Variants in WWOX observed in about 807,000 individuals in gnomAD.
The protein encoded by WWOX is WW domain containing oxidoreductase, also known as WW domain-containing oxidoreductase.
Under a neutral mutation model 46.2 loss-of-function variants are expected in WWOX, and 69 were observed. That is an observed-to-expected ratio of 1.49 (90% CI 1.23 to 1.82). WWOX has a LOEUF of 1.82. Among genes scored for constraint, WWOX ranks in the 40% most tolerant of loss-of-function variants. WWOX has a pLI of 0.00. For missense variants in WWOX, 919 were observed against 542.6 expected, an observed-to-expected ratio of 1.69 and a Z score of -6.89; for synonymous variants, 359 against 202.6, an observed-to-expected ratio of 1.77 and a Z score of -6.56.
chr16:78,841,232 C>CT (rs1380785259), intron 8 of WWOX, among the ~76,000 whole-genome samples: 1 of 152,192 alleles, frequency 6.6e-6, no homozygotes, highest in African/African-American at 2.4e-5. Flanking sequence ...TTGTTCCAGT[C>CT]TTTTACCAAG....
At chr16:78,255,637 A>G (rs561266136) in intron 5 of WWOX, among the ~76,000 whole-genome samples, 3 of 152,278 alleles carry the variant, frequency 2.0e-5, no homozygotes, top group South Asian at 2.1e-4. Flanking sequence ...CACACACCCC[A>G]CTTAGGAAAA....
At chr16:78,512,610 C>G (rs954242220) in intron 8 of WWOX, among the ~76,000 whole-genome samples, 3 of 152,124 alleles carry the variant, frequency 2.0e-5, no homozygotes, top group African/African-American at 4.8e-5. Context: ...CTTGAGTCCC[C>G]TACTATGTGC....
chr16:78,380,478 T>C (rs2081929888), intron 5 of WWOX, among the ~76,000 whole-genome samples: 1 of 152,126 alleles, frequency 6.6e-6, no homozygotes, highest in South Asian at 2.1e-4. Context: ...AGATGGCTTT[T>C]ATCATTGGGC....
At chr16:78,308,284 C>T (rs2080170626) in intron 5 of WWOX, among the ~76,000 whole-genome samples, 1 of 152,152 alleles carries the variant, frequency 6.6e-6, no homozygotes, top group African/African-American at 2.4e-5. Context: ...CCCCAAGCAA[C>T]TGAATGGATC....
chr16:78,912,251 C>T (rs577884054), intron 8 of WWOX, among the ~76,000 whole-genome samples: 4 of 152,146 alleles, frequency 2.6e-5, no homozygotes, highest in South Asian at 2.1e-4. Flanking sequence ...ATCATTAACA[C>T]AGGTAATCAG....
At chr16:78,197,597 T>C (rs55751884) in intron 5 of WWOX, among the ~76,000 whole-genome samples, 22,298 of 152,224 alleles carry the variant, frequency 0.15, 1,719 homozygotes, top group East Asian at 0.18. Context: ...CATTTTGTGA[T>C]AGAAGGCTGT....
At chr16:78,337,069 G>C (rs775865860) in intron 5 of WWOX, among the ~76,000 whole-genome samples, 13 of 152,084 alleles carry the variant, frequency 8.5e-5, no homozygotes, top group Non-Finnish European at 1.8e-4. Context: ...GTGTCAGCTA[G>C]TGCACCTGAC....
chr16:79,072,031 C>G (rs767592649), intron 8 of WWOX, among the ~76,000 whole-genome samples: 10 of 152,128 alleles, frequency 6.6e-5, no homozygotes, highest in Admixed American at 1.3e-4. Context: ...GCCTGTAATC[C>G]TAGCACTTTG....
At chr16:78,322,719 T>C (rs1437528851) in intron 5 of WWOX, among the ~76,000 whole-genome samples, 1 of 152,214 alleles carries the variant, frequency 6.6e-6, no homozygotes, top group East Asian at 1.9e-4. Context: ...CAGGCAAACA[T>C]TTTCTGTAAG....
intron 8 of WWOX, among the ~76,000 whole-genome samples, chr16:78,505,899 A>G (rs901523680): frequency 1.3e-5 from 2 of 152,174 alleles, no homozygotes; most frequent in Non-Finnish European, 1.5e-5. Context: ...CTCCCTAATC[A>G]TGAGCAATGT....
At chr16:78,391,019 G>C (rs564729837) in intron 6 of WWOX, among the ~76,000 whole-genome samples, 8 of 152,140 alleles carry the variant, frequency 5.3e-5, no homozygotes, top group Non-Finnish European at 1.2e-4. Context: ...CTCCACACTG[G>C]GATAGGCAGC....
chr16:78,891,166 GC>G (rs1220109247), intron 8 of WWOX: 1 of 151,980 alleles, frequency 6.6e-6, no homozygotes, highest in Non-Finnish European at 1.5e-5. Context: ...TTTTCTGCCT[GC>G]CCCTTCTTTC....
chr16:78,533,121 C>T (rs997373286), intron 8 of WWOX, among the ~76,000 whole-genome samples: 10 of 152,110 alleles, frequency 6.6e-5, no homozygotes, highest in African/African-American at 1.4e-4. Context: ...CTCCCAGTGC[C>T]TCTCAATGGC....
intron 8 of WWOX, among the ~76,000 whole-genome samples, chr16:78,727,364 G>T (rs2048861159): frequency 6.6e-6 from 1 of 152,182 alleles, no homozygotes; most frequent in African/African-American, 2.4e-5. Flanking sequence ...CAGCCTGGGT[G>T]ACAGAGCAAG....
chr16:78,584,084 G>A (rs966334564), intron 8 of WWOX, among the ~76,000 whole-genome samples: 19 of 152,184 alleles, frequency 1.2e-4, no homozygotes, highest in African/African-American at 4.6e-4. Context: ...AAAGTTATTT[G>A]TGTGTTTGGT....
At chr16:78,939,136 C>G (rs548753389) in intron 8 of WWOX, among the ~76,000 whole-genome samples, 2 of 152,106 alleles carry the variant, frequency 1.3e-5, no homozygotes, top group African/African-American at 2.4e-5. Context: ...GACTTGGGCT[C>G]GAAGTCACGT....
intron 8 of WWOX, among the ~76,000 whole-genome samples, chr16:78,893,536 C>A (rs2044636496): frequency 6.6e-6 from 1 of 152,226 alleles, no homozygotes; most frequent in Non-Finnish European, 1.5e-5. Context: ...TCCTCCTCCA[C>A]CCACTCCTCT....
intron 8 of WWOX, among the ~76,000 whole-genome samples, chr16:79,047,214 G>C (rs2656667): frequency 6.6e-6 from 1 of 151,994 alleles, no homozygotes; most frequent in Admixed American, 6.6e-5. Context: ...GGGAGGGAAA[G>C]AGACACAAAT....
intron 8 of WWOX, among the ~76,000 whole-genome samples, chr16:79,146,545 CT>C (rs367844359): frequency 3.3e-4 from 50 of 152,284 alleles, no homozygotes; most frequent in African/African-American, 1.1e-3. Context: ...TTTAACCTAT[CT>C]GAAGCTTCAT....
Sources: allele counts gnomAD v4.1 joint callset (sites outside exome capture counted in the v4.1 genomes callset), GRCh38; gene constraint gnomAD v4.1.1; transcripts MANE v1.5; gene names NCBI Gene and HGNC (gene_info 2026-07-23, HGNC 2026-07-21).